Variants in BSPH1 observed in about 807,000 individuals in gnomAD.
BSPH1 encodes the protein binder of sperm 1.
In BSPH1, 21 loss-of-function variants were observed where a neutral mutation model predicts 22.5. That is an observed-to-expected ratio of 0.93 (90% CI 0.66 to 1.35). The LOEUF (loss-of-function observed/expected upper bound fraction) is 1.35. Among genes scored for constraint, BSPH1 ranks in the 40% most tolerant of loss-of-function variants. The pLI is 0.00. For synonymous variants in BSPH1, 42 were observed against 53.6 expected, an observed-to-expected ratio of 0.78 and a Z score of 0.95; for missense variants, 141 against 154.2, an observed-to-expected ratio of 0.91 and a Z score of 0.45.
At chr19:47,972,159 G>A (rs1969316114) in intron 5 of BSPH1, among the ~76,000 whole-genome samples, 1 of 152,180 alleles carries the variant, frequency 6.6e-6, no homozygotes, top group South Asian at 2.1e-4. Flanking sequence ...TAAACGGTGA[G>A]TGGAATCTAA....
In BSPH1 at chr19:47,976,582, GAAA is replaced by G. The variant is rs770125279; in HGVS notation, c.*2+125_*2+127del. ...TAGATCACCTTCAACTCACATCCCA[GAAA>G]AAAAAAAAAAACAAAAAAAAACCCT... On this transcript the variant is annotated intron_variant, in intron 5 of 5. Coordinates refer to ENST00000344839, the MANE Select transcript of BSPH1 (RefSeq NM_001128326.2). The G allele has an allele frequency of 2.9e-4, 119 of 414,854 alleles. 1 individual carries two copies. The highest frequency in any genetic ancestry group is 9.3e-4 in the South Asian group (30 of 32,216). 25.7% of individuals were successfully genotyped at this position (414,854 alleles called of 1,614,324 possible).
chr19:47,973,384 A>G (rs1479253398), intron 5 of BSPH1, among the ~76,000 whole-genome samples: 1 of 152,142 alleles, frequency 6.6e-6, no homozygotes, highest in East Asian at 1.9e-4. Context: ...GTACCATCTC[A>G]TCAATCACCA....
intron 1 of BSPH1, among the ~76,000 whole-genome samples, chr19:47,982,820 T>C (rs998821774): frequency 6.6e-6 from 1 of 152,286 alleles, no homozygotes; most frequent in East Asian, 1.9e-4. Context: ...GGATGCACTT[T>C]GAAAATACTA....
chr19:47,978,327 A>G (rs537863610), intron 3 of BSPH1, among the ~76,000 whole-genome samples: 36 of 151,932 alleles, frequency 2.4e-4, no homozygotes, highest in African/African-American at 7.0e-4. Context: ...GTGGTCTCAA[A>G]CTCCTGAGCT....
Position 47,992,045 on chromosome 19 carries a change from G to A in BSPH1, c.37C>T (p.Arg13Ter), listed in dbSNP as rs546690190. The part of the protein sequence containing the change: ...SLMLLFVETT[R>*]NSSACIFPVI... ...GGGAAGATGCAAGCTGAGGAATTTC[G>A]CGTCGTTTCCACGAAGAGAAGCATC... The change falls in exon 1 of 6, where the codon CGA (arginine) becomes TGA (stop). Residue 13 changes from arginine to a stop codon, truncating the protein, a stop_gained. Transcript: ENST00000344839. LOFTEE classifies it high-confidence loss of function. 2.5e-5 allele frequency: 39 copies of A among 1,550,898 alleles called. No individual in the cohort carries two copies. The highest frequency in any genetic ancestry group is 2.0e-4 in the Admixed American group (10 of 50,988).
chr19:47,985,195 A>G (rs572424789), intron 1 of BSPH1, among the ~76,000 whole-genome samples: 4 of 152,176 alleles, frequency 2.6e-5, no homozygotes, highest in Non-Finnish European at 5.9e-5. Flanking sequence ...ACAAATCTGC[A>G]CATGTACCTC....
chr19:47,987,896 T>G (rs1321926397), intron 1 of BSPH1, among the ~76,000 whole-genome samples: 1 of 151,876 alleles, frequency 6.6e-6, no homozygotes, highest in Non-Finnish European at 1.5e-5. Flanking sequence ...GGAGGCTGAG[T>G]TGGAGGATTA....
chr19:47,991,606 TC>T (rs1165719484), intron 1 of BSPH1, among the ~76,000 whole-genome samples: 1 of 39,936 alleles, frequency 2.5e-5, no homozygotes. Context: ...CTCCTCCTCC[TC>T]CCCCTCTTCC....
At chr19:47,970,327 G>A (rs1969300866) in intron 5 of BSPH1, among the ~76,000 whole-genome samples, 1 of 152,206 alleles carries the variant, frequency 6.6e-6, no homozygotes, top group Non-Finnish European at 1.5e-5. Context: ...CCGAAGTGCT[G>A]GGATCACAGG....
At chr19:47,977,291 G>T in intron 4 of BSPH1, 82 bp downstream of exon 4, 2 of 1,042,252 alleles carry the variant, frequency 1.9e-6, no homozygotes, top group Non-Finnish European at 2.8e-6. Flanking sequence ...TCTATTTTCA[G>T]AACCCTCTTG....
In BSPH1 at chr19:47,978,386, G is replaced by A. The variant is rs550441197; in HGVS notation, c.125-882C>T. Among the ~76,000 whole-genome samples, 172 of 152,240 alleles carry A rather than the reference G, an allele frequency of 1.1e-3. 1 individual carries two copies. The highest frequency in any genetic ancestry group is 2.1e-3 in the Non-Finnish European group (142 of 68,014). On this transcript the variant is annotated intron_variant, in intron 3 of 5. Transcript: ENST00000344839. The stretch of plus-strand genomic sequence containing the variant: ...CCAAAAATGCTGGGATTACAGTCAT[G>A]AGCCACTGAGTCCGGCCTTAACTTC...
chr19:47,975,068 G>A (rs1359164417), intron 5 of BSPH1, among the ~76,000 whole-genome samples: 3 of 152,008 alleles, frequency 2.0e-5, no homozygotes, highest in Non-Finnish European at 2.9e-5. Flanking sequence ...CTTATACCTC[G>A]TAACAATGGA....
intron 5 of BSPH1, among the ~76,000 whole-genome samples, chr19:47,970,312 G>A (rs1969300689): frequency 6.6e-6 from 1 of 152,186 alleles, no homozygotes; most frequent in Admixed American, 6.5e-5. Context: ...ACCTACGTCA[G>A]CCTCCCGAAG....
intron 1 of BSPH1, among the ~76,000 whole-genome samples, chr19:47,981,176 C>T (rs1969416455): frequency 6.6e-6 from 1 of 152,008 alleles, no homozygotes; most frequent in South Asian, 2.1e-4. Context: ...ATTTTTAAAA[C>T]AAAAAATTCA....
intron 5 of BSPH1, among the ~76,000 whole-genome samples, chr19:47,976,462 TTACACAGTTAGCAATTAAAGTGC>T (rs1234475063): frequency 6.6e-6 from 1 of 151,892 alleles, no homozygotes; most frequent in African/African-American, 2.4e-5. Context: ...GGGACTAATT[TTACACAGTTAGCAATTAAAGTGC>T]TGAGGCTAAA....
chr19:47,988,171 A>T (rs1969488455), intron 1 of BSPH1, among the ~76,000 whole-genome samples: 1 of 152,164 alleles, frequency 6.6e-6, no homozygotes, highest in South Asian at 2.1e-4. Flanking sequence ...CTTGTATGAG[A>T]AGTTTAAAGT....
At chr19:47,976,022 A>G (rs1969359583) in intron 5 of BSPH1, among the ~76,000 whole-genome samples, 1 of 152,180 alleles carries the variant, frequency 6.6e-6, no homozygotes, top group African/African-American at 2.4e-5. Context: ...ATTGAGTAGT[A>G]GGTATAAAAA....
chr19:47,980,825 A>G (rs778394598), intron 2 of BSPH1, 96 bp downstream of exon 2: 16 of 675,750 alleles, frequency 2.4e-5, no homozygotes, highest in East Asian at 2.1e-4. Flanking sequence ...AATGAAAAGT[A>G]TGATTTCTTA....
At chr19:47,988,455 C>T (rs1030017968) in intron 1 of BSPH1, among the ~76,000 whole-genome samples, 2 of 152,024 alleles carry the variant, frequency 1.3e-5, no homozygotes, top group East Asian at 1.9e-4. Context: ...GGTTGGAACC[C>T]GGAGATGCTG....
Sources: gnomAD v4.1 joint callset for allele counts (sites outside exome capture counted in the v4.1 genomes callset) on GRCh38, gnomAD v4.1.1 for gene constraint, MANE v1.5 for transcripts, NCBI Gene and HGNC (gene_info 2026-07-23, HGNC 2026-07-21) for gene names.